Variants in TRMT1 observed in about 807,000 individuals in gnomAD.
TRMT1 encodes tRNA methyltransferase 1.
A neutral mutation model predicts 75.4 loss-of-function variants in TRMT1; 63 were observed. The observed-to-expected ratio is 0.84, with a 90% confidence interval of 0.68 to 1.03. The LOEUF is 1.03. Ranked by LOEUF, TRMT1 falls within the 50% of genes least tolerant of loss-of-function variation. The pLI, the probability that TRMT1 is intolerant of heterozygous loss-of-function variation, is 0.00. For missense variants in TRMT1, 870 were observed against 905.3 expected, an observed-to-expected ratio of 0.96 and a Z score of 0.50; for synonymous variants, 382 against 358.1, an observed-to-expected ratio of 1.07 and a Z score of -0.75.
intron 4 of TRMT1, 70 bp from the exon 5 acceptor site, chr19:13,115,536 C>G: frequency 6.3e-7 from 1 of 1,598,764 alleles, no homozygotes; most frequent in South Asian, 1.1e-5. Flanking sequence ...AAGGAGCCCC[C>G]ACCACCCACC....
rs1203339062 is a variant in TRMT1 at position 13,109,581 on chromosome 19, C to T, written c.1280G>A (p.Arg427Gln). 1.3e-5 allele frequency: 21 copies of T among 1,613,912 alleles called. No homozygotes were observed. The highest frequency in any genetic ancestry group is 1.6e-4 in the Middle Eastern group (1 of 6,080). Residue 427 changes from arginine (R) to glutamine (Q), a missense_variant, in exon 11 of 17, where the codon CGG becomes CAG. By Grantham distance (43) the Arg-to-Gln change is conservative. Transcript: ENST00000357720. ...GATGACGCTCAGGACCCCTCGGATC[C>T]GCTCCGAGGTGTGGAAGCGGCCGGG... ...ANPGRFHTSE[R>Q]IRGVLSVITE...
At chr19:13,109,016 A>G (rs2019009511) in intron 12 of TRMT1, among the ~76,000 whole-genome samples, 1 of 151,024 alleles carries the variant, frequency 6.6e-6, no homozygotes, top group African/African-American at 2.4e-5. Flanking sequence ...TCCTGGCCCA[A>G]ATGATCCTCC....
chr19:13,106,444 T>G (rs975549585), intron 14 of TRMT1, among the ~76,000 whole-genome samples: 1 of 151,928 alleles, frequency 6.6e-6, no homozygotes, highest in African/African-American at 2.4e-5. Context: ...GTGAACAAAA[T>G]GGACAAAAAG....
In TRMT1 at chr19:13,109,926, G is replaced by T; in HGVS notation, c.1095C>A (p.Val365=). ...HLQRLGKASG[V]PSGRAKFSAA... is the part of the protein sequence containing the mutation. ...TCCTCCCTGCTCACCGGCCGCTGGG[G>T]ACTCCTGACGCTTTGCCGAGACGCT... The change falls in exon 9 of 17, where the codon GTC becomes GTA. Residue 365 remains valine (V), a synonymous_variant. Transcript: ENST00000357720. 1 of 1,614,038 alleles carries T rather than the reference G, an allele frequency of 6.2e-7. No individual in the cohort carries two copies. The highest frequency in any genetic ancestry group is 8.5e-7 in the Non-Finnish European group (1 of 1,180,000).
rs781550776 is a variant in TRMT1, at chr19:13,116,347, A to G, written c.53T>C (p.Leu18Pro). Residue 18 changes from leucine to proline, a missense_variant, in exon 2 of 17, where the codon CTC becomes CCC. By Grantham distance (98) the Leu-to-Pro change is moderately conservative. Coordinates refer to ENST00000357720, the MANE Select transcript of TRMT1 (RefSeq NM_001136035.4). Reference protein sequence around the residue: ...LSLTFRSARVLSRARFFEWQS... With the variant: ...LSLTFRSARVPSRARFFEWQS... ...CCACTCGAAAAACCGGGCTCTAGAGAGCACCCGGGCGGAGCGGAAAGTGAG... is the reference window on the plus strand; with the variant it reads ...CCACTCGAAAAACCGGGCTCTAGAGGGCACCCGGGCGGAGCGGAAAGTGAG... 2 of 1,613,192 alleles carry G rather than the reference A, an allele frequency of 1.2e-6. No individual in the cohort carries two copies. Among genetic ancestry groups the G allele is most frequent in the Non-Finnish European group, 1.7e-6 (2 of 1,179,714 alleles).
intron 7 of TRMT1, among the ~76,000 whole-genome samples, chr19:13,111,382 ATTT>A (rs201288485): frequency 3.1e-5 from 4 of 130,434 alleles, no homozygotes; most frequent in African/African-American, 2.8e-5. Flanking sequence ...GGGTCAGACC[ATTT>A]TTTTTTTTTT....
Position 13,115,646 on chromosome 19 carries a change from C to T in TRMT1, c.433G>A (p.Ala145Thr). ...CCCACCTCACAGATCTCCCCCACGG[C>T]CGCTGTGCGAGGTTGGTCTCCTGAG... is the stretch of plus-strand genomic sequence containing the variant. Reference protein sequence around the residue: ...LASGDQPRTAAVGEICEEGLH... With the variant: ...LASGDQPRTATVGEICEEGLH... The change falls in exon 4 of 17, where the codon GCC becomes ACC. Residue 145 changes from alanine (A) to threonine (T), a missense_variant. Ala to Thr is a moderately conservative substitution (Grantham distance 58). Coordinates refer to ENST00000357720, the MANE Select transcript of TRMT1 (RefSeq NM_001136035.4). 2 of 1,614,036 alleles carry T rather than the reference C, an allele frequency of 1.2e-6. No homozygotes were observed. Among genetic ancestry groups the T allele is most frequent in the Non-Finnish European group, 1.7e-6 (2 of 1,180,018 alleles).
At chr19:13,109,273 C>T (rs147950748) in intron 12 of TRMT1, 108 bp downstream of exon 12, 2 of 1,292,606 alleles carry the variant, frequency 1.5e-6, no homozygotes, top group Non-Finnish European at 2.2e-6. Context: ...AGACAGTGCA[C>T]CGGGTTCTCC....
chr19:13,105,931 G>A (rs1200510458), intron 14 of TRMT1, among the ~76,000 whole-genome samples: 2 of 152,142 alleles, frequency 1.3e-5, no homozygotes, highest in Middle Eastern at 3.4e-3. Flanking sequence ...GCGTGGTGCC[G>A]GGTGCCTGTG....
At chr19:13,110,372 TG>T in intron 7 of TRMT1, 66 bp from the exon 8 acceptor site, 1 of 1,507,858 alleles carries the variant, frequency 6.6e-7, no homozygotes, top group Non-Finnish European at 8.9e-7. Flanking sequence ...GAGCCCTATG[TG>T]GTACTCACAA....
In TRMT1 at chr19:13,107,644, C is replaced by T. The variant is rs2018938426; in HGVS notation, c.1513G>A (p.Glu505Lys). The change falls in exon 14 of 17, where the codon GAA becomes AAA. Residue 505 changes from glutamate (E) to lysine (K), a missense_variant. Glu to Lys is a moderately conservative substitution (Grantham distance 56). Coordinates refer to ENST00000357720, the MANE Select transcript of TRMT1 (RefSeq NM_001136035.4). ...AGTCGCTCCCGTTTCACCGGACATT[C>T]CTTCTCCTGGGGGCAGAGGTCAGAG... ...LWDIMRCWEKECPVKRERLSE... is the reference protein window; with the variant it reads ...LWDIMRCWEKKCPVKRERLSE... 6.2e-7 allele frequency: 1 copy of T among 1,606,154 alleles called. No homozygotes were observed. Among genetic ancestry groups the T allele is most frequent in the Admixed American group, 1.7e-5 (1 of 59,386 alleles).
chr19:13,109,511 C>T lies in TRMT1; in HGVS notation c.1311+39G>A, dbSNP rs757464565. ...GGGCATGAGTGGAGATGGACGGGCA[C>T]AGGTGGAGCCCCCTTCCCCGTCACA... On this transcript the variant is annotated intron_variant, in intron 11 of 16. Coordinates refer to ENST00000357720, the MANE Select transcript of TRMT1 (RefSeq NM_001136035.4). The T allele has an allele frequency of 5.0e-6, 8 of 1,613,996 alleles. No individual in the cohort carries two copies. In the South Asian group the frequency reaches 6.6e-5, roughly 13 times the overall value.
At position 13,116,297 on chromosome 19, in the gene TRMT1, C is replaced by A. The variant is rs2019354928; in HGVS notation, c.103G>T (p.Ala35Ser). The change falls in exon 2 of 17, where the codon GCA becomes TCA. Residue 35 changes from alanine to serine, a missense_variant. Transcript: ENST00000357720. ...EWQSPGLPNT[A>S]AMENGTGPYG... Reference sequence around the variant, plus strand: ...GGCCCGGTGCCGTTCTCCATCGCTGCTGTATTCGGCAGCCCTGGAGACTGC... The same window carrying A: ...GGCCCGGTGCCGTTCTCCATCGCTGATGTATTCGGCAGCCCTGGAGACTGC... The A allele has an allele frequency of 6.2e-7, 1 of 1,614,124 alleles. No homozygotes were observed. Among genetic ancestry groups the A allele is most frequent in the Non-Finnish European group, 8.5e-7 (1 of 1,180,040 alleles).
At position 13,110,320 on chromosome 19, in the gene TRMT1, G is replaced by T. The variant is rs761986424; in HGVS notation, c.871-14C>A. The T allele has an allele frequency of 2.5e-5, 18 of 711,978 alleles. No individual in the cohort carries two copies. The highest frequency in any genetic ancestry group is 2.8e-4 in the Middle Eastern group (1 of 3,558). The allele number at this position is 711,978 out of a possible 1,614,324, so 44.1% of individuals were successfully genotyped here. A position where few individuals can be genotyped will look rare whatever the true frequency, so the allele number is the denominator to read the frequency against. ...GATTCTCAGGGCCTGGGGGTGGGGGGTGGGTGTCAGCCTCCCCTCCACTAT... is the reference window on the plus strand; with the variant it reads ...GATTCTCAGGGCCTGGGGGTGGGGGTTGGGTGTCAGCCTCCCCTCCACTAT... On this transcript the variant is annotated splice_polypyrimidine_tract_variant and intron_variant, in intron 7 of 16. Coordinates refer to ENST00000357720, the MANE Select transcript of TRMT1 (RefSeq NM_001136035.4).
Position 13,109,659 on chromosome 19 carries a change from G to A in TRMT1, c.1202C>T (p.Pro401Leu). Reference protein sequence around the residue: ...HQLGGPMWAEPIHDLDFVGRV... With the variant: ...HQLGGPMWAELIHDLDFVGRV... ...GCCCACAAAATCCAGGTCATGGATGGGCTCTGCCCACATGGGGCCACCAAG... is the reference window on the plus strand; with the variant it reads ...GCCCACAAAATCCAGGTCATGGATGAGCTCTGCCCACATGGGGCCACCAAG... Residue 401 changes from proline (P) to leucine (L), a missense_variant, in exon 11 of 17, where the codon CCC becomes CTC. Physicochemically the swap from Pro to Leu is moderately conservative, Grantham distance 98. Transcript: ENST00000357720. The A allele has an allele frequency of 6.2e-7, 1 of 1,614,006 alleles. No individual in the cohort carries two copies. Among genetic ancestry groups the A allele is most frequent in the Non-Finnish European group, 8.5e-7 (1 of 1,180,018 alleles).
intron 12 of TRMT1, 38 bp downstream of exon 12, chr19:13,109,343 G>T (rs1958276688): frequency 1.2e-6 from 2 of 1,610,744 alleles, no homozygotes; most frequent in Admixed American, 1.7e-5. Context: ...CCACCCTGTG[G>T]TCTGGGACAG....
chr19:13,105,471 C>G lies in TRMT1; in HGVS notation c.1703+16G>C. On this transcript the variant is annotated intron_variant, in intron 15 of 16. Coordinates refer to ENST00000357720, the MANE Select transcript of TRMT1 (RefSeq NM_001136035.4). ...TTTCCCTGGCTGAGCCCCACCCCCA[C>G]CTTACCACCACTCACCCTGGCCGGG... The G allele has an allele frequency of 6.2e-7, 1 of 1,614,014 alleles. No individual in the cohort carries two copies. Among genetic ancestry groups the G allele is most frequent in the Non-Finnish European group, 8.5e-7 (1 of 1,180,040 alleles).
intron 7 of TRMT1, 74 bp downstream of exon 7, chr19:13,112,631 A>C: frequency 7.1e-7 from 1 of 1,416,686 alleles, no homozygotes; most frequent in South Asian, 1.2e-5. Context: ...AGGAGGGGGA[A>C]AGTGTATTGG....
At chr19:13,106,526 G>A (rs536028866) in intron 14 of TRMT1, among the ~76,000 whole-genome samples, 1 of 152,140 alleles carries the variant, frequency 6.6e-6, no homozygotes, top group Non-Finnish European at 1.5e-5. Flanking sequence ...CGCCCAGGCT[G>A]GAGTGCAGTG....
Sources: gnomAD v4.1 joint callset for allele counts (sites outside exome capture counted in the v4.1 genomes callset) on GRCh38, gnomAD v4.1.1 for gene constraint, MANE v1.5 for transcripts, NCBI Gene and HGNC (gene_info 2026-07-23, HGNC 2026-07-21) for gene names.